The following CCNH variants were observed in gnomAD, a reference collection of about 807,000 sequenced individuals.
CCNH encodes the protein cyclin H.
CCNH carries 31 observed loss-of-function variants against 41.9 expected under a neutral mutation model. The observed-to-expected ratio is 0.74, with a 90% CI of 0.56 to 1.00. The LOEUF is 1.00. Among genes scored for constraint, CCNH ranks in the 50% least tolerant of loss-of-function variants. The pLI, the probability that CCNH is intolerant of heterozygous loss-of-function variation, is 0.00. For synonymous variants in CCNH, 138 were observed against 136.1 expected, an observed-to-expected ratio of 1.01 and a Z score of -0.10; for missense variants, 362 against 388.4, an observed-to-expected ratio of 0.93 and a Z score of 0.57.
downstream of CCNH, chr5:87,372,174 A>G: frequency 1.2e-6 from 2 of 1,613,726 alleles, no homozygotes; most frequent in Non-Finnish European, 1.7e-6. Flanking sequence ...GTCCAGGGAC[A>G]TCCAATAAAC....
chr5:87,335,661 G>C (rs1304587126), intron 9 of CCNH, among the ~76,000 whole-genome samples: 2 of 150,516 alleles, frequency 1.3e-5, no homozygotes, highest in South Asian at 4.2e-4. Context: ...ACTGACCTCG[G>C]GTGATCTGCC....
intron 9 of CCNH, chr5:87,369,847 A>T: frequency 6.2e-7 from 1 of 1,612,352 alleles, no homozygotes; most frequent in Non-Finnish European, 8.5e-7. Flanking sequence ...TCAGCACTTT[A>T]GTGAAGAACA....
intron 5 of CCNH, among the ~76,000 whole-genome samples, chr5:87,403,915 G>C (rs1763602997): frequency 6.6e-6 from 1 of 152,206 alleles, no homozygotes; most frequent in Non-Finnish European, 1.5e-5. Context: ...GTAGTACAGT[G>C]CATAGTAGTA....
intron 9 of CCNH, among the ~76,000 whole-genome samples, chr5:87,319,121 G>A (rs552008908): frequency 3.2e-4 from 49 of 152,298 alleles, no homozygotes; most frequent in African/African-American, 1.2e-3. Flanking sequence ...GGCCTCCTAA[G>A]GCCTTTGGCA....
At position 87,356,384 on chromosome 5, in the gene CCNH, T is replaced by G. The variant is rs796497611; in HGVS notation, c.*90+36386A>C. Among the ~76,000 whole-genome samples, 17 of 124,500 alleles carry G rather than the reference T, an allele frequency of 1.4e-4. No individual in the cohort carries two copies. The East Asian group carries it at 1.9e-3, about 14-fold the overall frequency. The allele number at this position is 124,500 out of a possible 152,430, so 81.7% of individuals were successfully genotyped here. ...TCACTGACGTCCTAGATGATTGTTA[T>G]TTTTTTTTTTTTTTCTCCCTCCGGA... is the stretch of plus-strand genomic sequence containing the variant. On this transcript the variant is annotated intron_variant and NMD_transcript_variant, in intron 9 of 9. Coordinates refer to the CCNH transcript ENST00000645953.
intron 9 of CCNH, among the ~76,000 whole-genome samples, chr5:87,321,406 C>G (rs1399004589): frequency 6.6e-6 from 1 of 152,180 alleles, no homozygotes; most frequent in Non-Finnish European, 1.5e-5. Context: ...TTCCCAACGG[C>G]TGAGGGCTCA....
intron 9 of CCNH, among the ~76,000 whole-genome samples, chr5:87,354,135 TG>T (rs1375299321): frequency 3.4e-5 from 5 of 148,992 alleles, no homozygotes; most frequent in African/African-American, 2.5e-5. Flanking sequence ...AGTTAATTGG[TG>T]GGGGGTGGGG....
chr5:87,363,088 CA>C (rs900392051), intron 9 of CCNH, among the ~76,000 whole-genome samples: 3 of 151,826 alleles, frequency 2.0e-5, no homozygotes, highest in Non-Finnish European at 2.9e-5. Context: ...AGAATTCTGA[CA>C]ATTTCATCAT....
At chr5:87,384,858 G>A (rs1264127056) in intron 9 of CCNH, among the ~76,000 whole-genome samples, 3 of 152,002 alleles carry the variant, frequency 2.0e-5, no homozygotes, top group Non-Finnish European at 2.9e-5. Flanking sequence ...TGCTTCTTGA[G>A]CTTTAAGCGA....
intron 9 of CCNH, among the ~76,000 whole-genome samples, chr5:87,328,623 A>G (rs1053553097): frequency 2.0e-5 from 3 of 152,170 alleles, no homozygotes; most frequent in African/African-American, 7.2e-5. Flanking sequence ...AAAGAATTAC[A>G]GACTTCAGAA....
At chr5:87,378,711 TAA>T (rs34112481), upstream of CCNH, among the ~76,000 whole-genome samples, 1 of 152,204 alleles carries the variant, frequency 6.6e-6, no homozygotes, top group Non-Finnish European at 1.5e-5. Flanking sequence ...ATGGACTTCT[TAA>T]AAAAGATGTA....
intron 9 of CCNH, among the ~76,000 whole-genome samples, chr5:87,340,961 T>G (rs79936845): frequency 3.4e-5 from 5 of 147,902 alleles, no homozygotes; most frequent in African/African-American, 7.4e-5. Flanking sequence ...TAGAGAGGTG[T>G]TTTTTTTTTG....
intron 6 of CCNH, 39 bp downstream of exon 6, chr5:87,401,663 T>C (rs1173731769): frequency 8.1e-7 from 1 of 1,241,258 alleles, no homozygotes; most frequent in Non-Finnish European, 1.1e-6. Flanking sequence ...GAGCTTTGTA[T>C]TGGAAGAAAC....
rs1045278281 is a variant in CCNH, at chr5:87,353,027, T to A, written c.*91-34130A>T. ...ATGTTATGATCATTTATTCTATTAATGTATTTGTGTTATGTGCTTTGAAAA... is the reference window on the plus strand; with the variant it reads ...ATGTTATGATCATTTATTCTATTAAAGTATTTGTGTTATGTGCTTTGAAAA... On this transcript the variant is annotated intron_variant and NMD_transcript_variant, in intron 9 of 9. Transcript: ENST00000645953. 3.3e-5 allele frequency: 22 copies of A among 665,834 alleles called. No individual in the cohort carries two copies. The African/African-American group carries it at 3.8e-4, about 12-fold the overall frequency. 41.2% of individuals were successfully genotyped at this position (665,834 alleles called of 1,614,324 possible).
upstream of CCNH, among the ~76,000 whole-genome samples, chr5:87,382,047 G>A (rs1039678498): frequency 2.0e-5 from 3 of 152,166 alleles, no homozygotes; most frequent in African/African-American, 7.2e-5. Flanking sequence ...CGCCTCCCAG[G>A]TTCAAGTGAG....
chr5:87,367,561 TAA>T (rs1430086386), intron 9 of CCNH, among the ~76,000 whole-genome samples: 4 of 152,190 alleles, frequency 2.6e-5, no homozygotes, highest in Non-Finnish European at 4.4e-5. Flanking sequence ...TTTTCAATAT[TAA>T]GAGATCTCTA....
chr5:87,363,968 C>G (rs569458264), intron 9 of CCNH, among the ~76,000 whole-genome samples: 1 of 152,158 alleles, frequency 6.6e-6, no homozygotes, highest in South Asian at 2.1e-4. Context: ...ATGTTGACTT[C>G]TTGGTTTTGA....
upstream of CCNH, among the ~76,000 whole-genome samples, chr5:87,381,589 T>G (rs984731471): frequency 8.5e-5 from 13 of 152,300 alleles, no homozygotes; most frequent in East Asian, 9.6e-4. Context: ...TTTCTTTTTT[T>G]GGGGGGCAGG....
downstream of CCNH, chr5:87,374,304 G>C: frequency 6.2e-7 from 1 of 1,606,538 alleles, no homozygotes; most frequent in African/African-American, 1.3e-5. Context: ...AGTATGGTCA[G>C]AAGAGTTTGT....
Sources: allele counts gnomAD v4.1 joint callset (sites outside exome capture counted in the v4.1 genomes callset), GRCh38; gene constraint gnomAD v4.1.1; transcripts MANE v1.5; gene names NCBI Gene and HGNC (gene_info 2026-07-23, HGNC 2026-07-21).